Variants in TMX4 observed in about 807,000 individuals in gnomAD.
TMX4 encodes the protein thioredoxin related transmembrane protein 4.
In TMX4, 23 loss-of-function variants were observed where a neutral mutation model predicts 33.3. The ratio of observed to expected loss-of-function variants is 0.69; its 90% CI spans 0.50 to 0.98. The LOEUF is 0.98. TMX4 is among the 50% of genes least tolerant of loss of function. TMX4 has a pLI of 0.00. For synonymous variants in TMX4, 164 were observed against 161.5 expected, an observed-to-expected ratio of 1.02 and a Z score of -0.12; for missense variants, 399 against 448.9, an observed-to-expected ratio of 0.89 and a Z score of 1.01.
chr20:7,985,564 T>C (rs1347869884), intron 6 of TMX4, among the ~76,000 whole-genome samples: 1 of 152,112 alleles, frequency 6.6e-6, no homozygotes, highest in African/African-American at 2.4e-5. Context: ...TGAGCCACTG[T>C]GCCCAGCCTA....
intron 3 of TMX4, 50 bp downstream of exon 3, chr20:8,001,446 C>T: frequency 6.6e-7 from 1 of 1,518,464 alleles, no homozygotes; most frequent in South Asian, 1.2e-5. Context: ...TCCTGGTACA[C>T]ATCTATTGAT....
rs1455234686 is a variant in TMX4 at position 7,979,119 on chromosome 20, C to G, written c.*3132G>C. ...TAAAAATCAAAATCATGTTTCCATG[C>G]ACTTGAGTTCCGGATCAAATATATT... On this transcript the variant is annotated 3_prime_UTR_variant, in exon 8 of 8. Transcript: ENST00000246024. 6.6e-6 allele frequency: 1 copy of G among 151,348 alleles called. No homozygotes were observed. The highest frequency in any genetic ancestry group is 1.5e-5 in the Non-Finnish European group (1 of 67,894). The allele number at this position is 151,348 out of a possible 1,614,324, so 9.4% of individuals were successfully genotyped here. A position where few individuals can be genotyped will look rare whatever the true frequency, so the allele number is the denominator to read the frequency against.
In TMX4 at chr20:7,987,277, T is replaced by C. The variant is rs768144897; in HGVS notation, c.615+11A>G. On this transcript the variant is annotated intron_variant, in intron 6 of 7. Transcript: ENST00000246024. The stretch of plus-strand genomic sequence containing the variant: ...CCTTAAAGATAGAAAAAGTTTGGTA[T>C]TATCTCTTACCAGACCCATAAAAAG... 6.5e-7 allele frequency: 1 copy of C among 1,534,262 alleles called. No individual in the cohort carries two copies. The highest frequency in any genetic ancestry group is 8.8e-7 in the Non-Finnish European group (1 of 1,137,492).
chr20:8,009,817 A>T (rs903113327), intron 2 of TMX4, among the ~76,000 whole-genome samples: 1 of 151,108 alleles, frequency 6.6e-6, no homozygotes, highest in African/African-American at 2.4e-5. Flanking sequence ...TTAACAACCA[A>T]ATGTAATTTA....
At position 8,010,322 on chromosome 20, in the gene TMX4, G is replaced by C. The variant is rs771788061; in HGVS notation, c.177-7C>G. On this transcript the variant is annotated splice_region_variant and splice_polypyrimidine_tract_variant and intron_variant, in intron 1 of 7. Coordinates refer to ENST00000246024, the MANE Select transcript of TMX4 (RefSeq NM_021156.4). Reference sequence around the variant, plus strand: ...TGGACACCATGGGGCGTAACTATAAGAGAAGAATAAGAATTATATTGATAA... The same window carrying C: ...TGGACACCATGGGGCGTAACTATAACAGAAGAATAAGAATTATATTGATAA... The C allele has an allele frequency of 1.0e-5, 16 of 1,587,692 alleles. No individual in the cohort carries two copies. Among genetic ancestry groups the C allele is most frequent in the Non-Finnish European group, 1.1e-5 (13 of 1,162,714 alleles).
rs1489426643 is a variant in TMX4, at chr20:7,981,198, A to G, written c.*1053T>C. ...CACTTTCAGGTACTGGAGTTCATTA[A>G]TTCTTTCACCAAAAGCACATCACTG... On this transcript the variant is annotated 3_prime_UTR_variant, in exon 8 of 8. Transcript: ENST00000246024. 1 of 152,188 alleles carries G rather than the reference A, an allele frequency of 6.6e-6. No individual in the cohort carries two copies. Among genetic ancestry groups the G allele is most frequent in the African/African-American group, 2.4e-5 (1 of 41,448 alleles). 9.4% of individuals were successfully genotyped at this position (152,188 alleles called of 1,614,324 possible).
chr20:8,005,820 G>A (rs138923134), intron 2 of TMX4, among the ~76,000 whole-genome samples: 34 of 152,244 alleles, frequency 2.2e-4, no homozygotes, highest in Non-Finnish European at 3.7e-4. Context: ...CAGCCCAGCC[G>A]CTGGGTGGCC....
intron 2 of TMX4, among the ~76,000 whole-genome samples, chr20:8,009,642 C>T (rs1249630530): frequency 6.6e-6 from 1 of 152,000 alleles, no homozygotes; most frequent in Admixed American, 6.5e-5. Context: ...AAATCATGCA[C>T]CTAAACTCTC....
chr20:7,982,755 G>A, intron 7 of TMX4, 134 bp from the exon 8 acceptor site: 1 of 1,010,810 alleles, frequency 9.9e-7, no homozygotes, highest in Non-Finnish European at 1.4e-6. Context: ...TGGTCATATA[G>A]GACAGATTCT....
chr20:8,018,423 AAGAG>A (rs1179855920), intron 1 of TMX4, among the ~76,000 whole-genome samples: 1 of 33,050 alleles, frequency 3.0e-5, no homozygotes, highest in Non-Finnish European at 5.0e-5. Context: ...AGAGAGAGAG[AAGAG>A]AGAGAGGAGA....
intron 1 of TMX4, chr20:8,019,102 C>T: frequency 2.1e-6 from 1 of 479,868 alleles, no homozygotes; most frequent in Non-Finnish European, 4.0e-6. Flanking sequence ...TGGGAAGCTG[C>T]CCACTCCACC....
intron 6 of TMX4, among the ~76,000 whole-genome samples, chr20:7,986,043 C>A (rs891237345): frequency 3.3e-5 from 5 of 152,206 alleles, no homozygotes; most frequent in African/African-American, 4.8e-5. Flanking sequence ...GAACCTCACA[C>A]TATGGTAGCC....
Position 7,979,442 on chromosome 20 carries a change from A to G in TMX4, c.*2809T>C, listed in dbSNP as rs1217257473. 1 of 152,106 alleles carries G rather than the reference A, an allele frequency of 6.6e-6. No homozygotes were observed. The highest frequency in any genetic ancestry group is 1.5e-5 in the Non-Finnish European group (1 of 68,014). The allele number at this position is 152,106 out of a possible 1,614,324, so 9.4% of individuals were successfully genotyped here. A position where few individuals can be genotyped will look rare whatever the true frequency, so the allele number is the denominator to read the frequency against. On this transcript the variant is annotated 3_prime_UTR_variant, in exon 8 of 8. Coordinates refer to ENST00000246024, the MANE Select transcript of TMX4 (RefSeq NM_021156.4). ...ATTTTTTTTAAAAGTATTTCTGAGA[A>G]AGAAAGTACATTTTCTGCCAGGTAC...
intron 7 of TMX4, among the ~76,000 whole-genome samples, chr20:7,983,240 C>T (rs2050616702): frequency 6.6e-6 from 1 of 152,134 alleles, no homozygotes; most frequent in Non-Finnish European, 1.5e-5. Context: ...TTCAAATTAT[C>T]AATGGAAGTC....
chr20:8,009,799 A>G (rs531145658), intron 2 of TMX4, among the ~76,000 whole-genome samples: 3 of 151,638 alleles, frequency 2.0e-5, no homozygotes, highest in Non-Finnish European at 2.9e-5. Context: ...GCAAGAGACT[A>G]AAAAGACTTA....
At chr20:8,018,519 AGAGAG>A (rs2050793098) in intron 1 of TMX4, among the ~76,000 whole-genome samples, 5 of 129,350 alleles carry the variant, frequency 3.9e-5, no homozygotes, top group Admixed American at 7.5e-5. Flanking sequence ...AGAGAGAGAG[AGAGAG>A]AGAGTCTGCA....
At chr20:7,994,971 A>C (rs527891761) in intron 5 of TMX4, among the ~76,000 whole-genome samples, 71 of 149,888 alleles carry the variant, frequency 4.7e-4, no homozygotes, top group Non-Finnish European at 3.4e-4. Context: ...TGCCAAAAAA[A>C]GTTAAATTTT....
chr20:8,009,175 C>T (rs1251931736), intron 2 of TMX4, among the ~76,000 whole-genome samples: 1 of 151,998 alleles, frequency 6.6e-6, no homozygotes, highest in East Asian at 1.9e-4. Flanking sequence ...TTATAAAAGG[C>T]CATCTTTTCT....
chr20:8,009,173 G>A (rs1483226003), intron 2 of TMX4, among the ~76,000 whole-genome samples: 2 of 152,048 alleles, frequency 1.3e-5, no homozygotes, highest in Non-Finnish European at 2.9e-5. Context: ...GATTATAAAA[G>A]GCCATCTTTT....
Sources: gnomAD v4.1 joint callset for allele counts (sites outside exome capture counted in the v4.1 genomes callset) on GRCh38, gnomAD v4.1.1 for gene constraint, MANE v1.5 for transcripts, NCBI Gene and HGNC (gene_info 2026-07-23, HGNC 2026-07-21) for gene names.